KCTD19: variants seen among roughly 807,000 people sequenced by gnomAD.
KCTD19 encodes potassium channel tetramerization domain containing 19.
In KCTD19, 67 loss-of-function variants were observed where a neutral mutation model predicts 103.5. The ratio of observed to expected loss-of-function variants is 0.65; its 90% CI spans 0.53 to 0.79. The LOEUF (loss-of-function observed/expected upper bound fraction) is 0.79. KCTD19 is among the 30% of genes least tolerant of loss of function. KCTD19 has a pLI of 0.00. For missense variants in KCTD19, 980 were observed against 1,136.1 expected, an observed-to-expected ratio of 0.86 and a Z score of 1.98; for synonymous variants, 439 against 452.2, an observed-to-expected ratio of 0.97 and a Z score of 0.37.
Position 67,294,593 on chromosome 16 carries a change from C to T in KCTD19, c.1577G>A (p.Arg526Lys), listed in dbSNP as rs1299601439. ...EGPGSLVEFS[R>K]DTKETTAYMP... ...GCTGGTGCTTACTTCTTTAGTGTCT[C>T]TACTGAACTCCACCAGTGACCCTGG... Residue 526 changes from arginine to lysine, a missense_variant, in exon 11 of 16, where the codon AGA (arginine) becomes AAA (lysine). Arg to Lys is a conservative substitution (Grantham distance 26, BLOSUM62 2). Coordinates refer to ENST00000304372, the MANE Select transcript of KCTD19 (RefSeq NM_001100915.3). 2.5e-6 allele frequency: 4 copies of T among 1,611,818 alleles called. No homozygotes were observed. The Admixed American group carries it at 6.7e-5, about 27-fold the overall frequency.
chr16:67,291,755 G>A lies in KCTD19; in HGVS notation c.2301C>T (p.Pro767=), dbSNP rs201413788. 743 of 1,612,956 alleles carry A rather than the reference G, an allele frequency of 4.6e-4. No individual in the cohort carries two copies. The highest frequency in any genetic ancestry group is 5.7e-4 in the Non-Finnish European group (675 of 1,178,996). The change falls in exon 13 of 16, where the codon CCC becomes CCT. Residue 767 remains proline (P), a synonymous_variant. Transcript: ENST00000304372. The part of the protein sequence containing the change: ...LGVILKVTHP[P]VVGSDGFCMF... The stretch of plus-strand genomic sequence containing the variant: ...TGCAGAAGCCATCGCTGCCCACCAC[G>A]GGGGGGTGAGTCACTTTGAGGATAA...
At position 67,297,521 on chromosome 16, in the gene KCTD19, C is replaced by G; in HGVS notation, c.1129G>C (p.Ala377Pro). Residue 377 changes from alanine to proline, a missense_variant, in exon 7 of 16, where the codon GCA (alanine) becomes CCA (proline). Physicochemically the swap from Ala to Pro is conservative, Grantham distance 27 (BLOSUM62 -1). Transcript: ENST00000304372. Reference sequence around the variant, plus strand: ...CACTTACTGAGCACATCCATGGGTGCCAAAGTCCTTGGCTCCAGATGAGTC... The same window carrying G: ...CACTTACTGAGCACATCCATGGGTGGCAAAGTCCTTGGCTCCAGATGAGTC... ...LKTHLEPRTL[A>P]PMDVLNEWTA... 6.2e-7 allele frequency: 1 copy of G among 1,614,098 alleles called. No individual in the cohort carries two copies. Among genetic ancestry groups the G allele is most frequent in the Non-Finnish European group, 8.5e-7 (1 of 1,180,006 alleles).
intron 2 of KCTD19, among the ~76,000 whole-genome samples, chr16:67,307,799 A>T (rs546207857): frequency 6.6e-6 from 1 of 152,180 alleles, no homozygotes; most frequent in Non-Finnish European, 1.5e-5. Context: ...AAACATTCCA[A>T]TGATTTTCTT....
intron 2 of KCTD19, among the ~76,000 whole-genome samples, chr16:67,314,999 G>A (rs1175311174): frequency 6.6e-6 from 1 of 151,744 alleles, no homozygotes; most frequent in Non-Finnish European, 1.5e-5. Flanking sequence ...GGGACTATAG[G>A]CATGAGCCAT....
rs1227247998 is a variant in KCTD19, at chr16:67,295,274, T to C, written c.1380A>G (p.Pro460=). ...NFLRLGKLFL[P]SEFKEWPLFC... ...CTTGCTTCACTTACTTAAATTCAGA[T>C]GGTAAAAACAGTTTGCCAAGTCTCA... Residue 460 remains proline (P), a synonymous_variant, in exon 9 of 16, where the codon CCA becomes CCG. Transcript: ENST00000304372. The C allele has an allele frequency of 4.3e-6, 7 of 1,614,092 alleles. 1 individual carries two copies. In the Admixed American group the frequency reaches 5.0e-5, roughly 12 times the overall value.
intron 2 of KCTD19, among the ~76,000 whole-genome samples, chr16:67,318,139 C>T (rs1308092796): frequency 6.6e-6 from 1 of 152,204 alleles, no homozygotes; most frequent in Non-Finnish European, 1.5e-5. Flanking sequence ...AAAGTGTAAG[C>T]ACTTGCTTTA....
chr16:67,297,465 CT>C (rs2036777934), intron 7 of KCTD19, 37 bp downstream of exon 7: 1 of 1,603,546 alleles, frequency 6.2e-7, no homozygotes, highest in African/African-American at 1.3e-5. Flanking sequence ...AGATACTCCC[CT>C]GATGCTAAAT....
In KCTD19 at chr16:67,297,638, G is replaced by A; in HGVS notation, c.1012C>T (p.Pro338Ser). The change falls in exon 7 of 16, where the codon CCC (proline) becomes TCC (serine). Residue 338 changes from proline (P) to serine (S), a missense_variant. Pro to Ser is a moderately conservative substitution (Grantham distance 74, BLOSUM62 -1). Transcript: ENST00000304372. ...ACCTCGGAAATGGTCTCTGTCAGGG[G>A]CAGCCGGCAAGTCCCCAGCCAGTTC... ...VKNWLGTCRL[P>S]LTETISEVYE... The A allele has an allele frequency of 6.2e-7, 1 of 1,613,866 alleles. No homozygotes were observed. The highest frequency in any genetic ancestry group is 8.5e-7 in the Non-Finnish European group (1 of 1,179,996).
At chr16:67,302,880 G>T in intron 4 of KCTD19, 1 of 457,266 alleles carries the variant, frequency 2.2e-6, no homozygotes, top group Non-Finnish European at 3.9e-6. Context: ...CAACTCCTGT[G>T]GTCCCTAGCA....
intron 15 of KCTD19, 52 bp from the exon 16 acceptor site, chr16:67,289,734 T>G: frequency 4.5e-6 from 6 of 1,346,916 alleles, no homozygotes; most frequent in Non-Finnish European, 5.3e-6. Context: ...TTGTCTACTC[T>G]AGCTCCATGT....
Position 67,291,808 on chromosome 16 carries a change from C to T in KCTD19, c.2248G>A (p.Glu750Lys), listed in dbSNP as rs16957289. Reference protein sequence around the residue: ...ESPAPEQPLPEASEVDSLGVI... With the variant: ...ESPAPEQPLPKASEVDSLGVI... ...CCTAGGCTGTCCACCTCACTGGCCT[C>T]GGGCAGAGGCTGCTCAGGGGCAGGG... The change falls in exon 13 of 16, where the codon GAG becomes AAG. Residue 750 changes from glutamate to lysine, a missense_variant. Glu to Lys is a moderately conservative substitution (Grantham distance 56). Transcript: ENST00000304372. 85,524 of 1,610,826 alleles carry T rather than the reference C, an allele frequency of 0.053. 3,777 individuals carry two copies. Among genetic ancestry groups the T allele is most frequent in the African/African-American group, 0.23 (17,007 of 74,888 alleles).
rs1460154530 is a variant in KCTD19 at position 67,290,872 on chromosome 16, A to C, written c.2667+13T>G. The C allele has an allele frequency of 6.2e-7, 1 of 1,604,852 alleles. No homozygotes were observed. On this transcript the variant is annotated intron_variant, in intron 15 of 15. Transcript: ENST00000304372. ...GGGTCGGTGGATTCCCAGGGATTGC[A>C]AGTGGCCCTCACCTCCACCCAGCTG...
rs1368732978 is a variant in KCTD19, at chr16:67,291,354, G to A, written c.2520C>T (p.Pro840=). The A allele has an allele frequency of 1.2e-6, 2 of 1,614,028 alleles. No individual in the cohort carries two copies. Among genetic ancestry groups the A allele is most frequent in the South Asian group, 2.2e-5 (2 of 91,084 alleles). ...IIMDSIRQKD[P]KAITAKVVSL... ...AGACCACCTTGGCTGTGATGGCTTT[G>A]GGGTCCTTTTGCCTGATGGAATCCA... The change falls in exon 14 of 16, where the codon CCC becomes CCT. Residue 840 remains proline (P), a synonymous_variant. Coordinates refer to ENST00000304372, the MANE Select transcript of KCTD19 (RefSeq NM_001100915.3).
chr16:67,319,909 T>C (rs1387562086), intron 2 of KCTD19, among the ~76,000 whole-genome samples: 2 of 152,108 alleles, frequency 1.3e-5, no homozygotes, highest in Non-Finnish European at 2.9e-5. Flanking sequence ...TCAGACATGA[T>C]GTACATAGCA....
chr16:67,310,983 C>G (rs1189505927), intron 2 of KCTD19, among the ~76,000 whole-genome samples: 1 of 152,200 alleles, frequency 6.6e-6, no homozygotes, highest in African/African-American at 2.4e-5. Context: ...GCATTTAAAA[C>G]CTACCCCTTC....
intron 2 of KCTD19, chr16:67,305,616 A>G (rs573370186): frequency 2.6e-5 from 12 of 455,602 alleles, no homozygotes; most frequent in African/African-American, 2.4e-4. Context: ...AAAGTCCTGC[A>G]GGGGGCAGAT....
chr16:67,307,411 T>C (rs1327618106), intron 2 of KCTD19, among the ~76,000 whole-genome samples: 1 of 151,092 alleles, frequency 6.6e-6, no homozygotes, highest in African/African-American at 2.4e-5. Flanking sequence ...CCTCCCAGGC[T>C]CAGGTGATCC....
rs1441774434 is a variant in KCTD19, at chr16:67,294,955, G to A, written c.1475+18C>T. 11 of 1,578,194 alleles carry A rather than the reference G, an allele frequency of 7.0e-6. No homozygotes were observed. Among genetic ancestry groups the A allele is most frequent in the South Asian group, 4.4e-5 (4 of 90,316 alleles). On this transcript the variant is annotated intron_variant, in intron 10 of 15. Transcript: ENST00000304372. ...AGGACCAAATTCTAAACATAGAGTC[G>A]TGATAAAGTTTTCTTACTTGTATGC...
Position 67,320,967 on chromosome 16 carries a change from CTCTGTTTGCTGATGACATGA to C in KCTD19, c.4-102_4-83del. 1 of 1,181,264 alleles carries C rather than the reference CTCTGTTTGCTGATGACATGA, an allele frequency of 8.5e-7. No homozygotes were observed. Among genetic ancestry groups the C allele is most frequent in the Non-Finnish European group, 1.2e-6 (1 of 845,176 alleles). 73.2% of individuals were successfully genotyped at this position (1,181,264 alleles called of 1,614,324 possible). ...GATTGAAAAGGTAGAAATAAACTAT[CTCTGTTTGCTGATGACATGA>C]TCTTGTATATAAAAAATCCTAAGGA... On this transcript the variant is annotated intron_variant, in intron 1 of 15. Transcript: ENST00000304372. The surrounding 1 kb of genome is among the most constrained non-coding windows in gnomAD (Gnocchi z 4.0).
Sources: allele counts gnomAD v4.1 joint callset (sites outside exome capture counted in the v4.1 genomes callset), GRCh38; gene constraint gnomAD v4.1.1; non-coding constraint Gnocchi (gnomAD v3.1); transcripts MANE v1.5; gene names NCBI Gene and HGNC (gene_info 2026-07-23, HGNC 2026-07-21).